LHFPL3: variants seen among roughly 807,000 people sequenced by gnomAD.
LHFPL3 encodes LHFPL tetraspan subfamily member 3 protein.
A neutral mutation model predicts 19.3 loss-of-function variants in LHFPL3; 5 were observed. The ratio of observed to expected loss-of-function variants is 0.26; its 90% confidence interval spans 0.14 to 0.54. The LOEUF is 0.54. Among genes scored for constraint, LHFPL3 ranks in the 20% least tolerant of loss-of-function variants. LHFPL3 has a pLI of 0.94. For missense variants in LHFPL3, 249 were observed against 307.4 expected (o/e 0.81, Z 1.42); for synonymous variants, 133 against 126.2 (o/e 1.05, Z -0.36).
intron 1 of LHFPL3, among the ~76,000 whole-genome samples, chr7:104,633,048 T>C (rs905344179): frequency 6.6e-6 from 1 of 152,106 alleles, no homozygotes; most frequent in Non-Finnish European, 1.5e-5. Context: ...GAAAAAAATT[T>C]AAGTACAAAG....
intron 2 of LHFPL3, among the ~76,000 whole-genome samples, chr7:104,905,413 A>T (rs1340588072): frequency 6.6e-6 from 1 of 152,176 alleles, no homozygotes; most frequent in East Asian, 1.9e-4. Flanking sequence ...GCAGAATATT[A>T]TGCAGCCATT....
At chr7:104,732,138 G>T (rs1409334730) in intron 1 of LHFPL3, among the ~76,000 whole-genome samples, 1 of 152,144 alleles carries the variant, frequency 6.6e-6, no homozygotes, top group Non-Finnish European at 1.5e-5. Flanking sequence ...GTATTTTATT[G>T]AGGATTTTTG....
At chr7:104,413,982 T>C (rs761537509) in intron 1 of LHFPL3, among the ~76,000 whole-genome samples, 2 of 152,168 alleles carry the variant, frequency 1.3e-5, no homozygotes, top group Admixed American at 6.5e-5. Context: ...GAATCTCTTA[T>C]TCATTAGAAA....
intron 1 of LHFPL3, among the ~76,000 whole-genome samples, chr7:104,538,728 G>C (rs1001327811): frequency 1.3e-5 from 2 of 152,142 alleles, no homozygotes; most frequent in African/African-American, 2.4e-5. Context: ...TGGGTATGGT[G>C]GGCAGAATAA....
chr7:104,422,575 T>C (rs1443120280), intron 1 of LHFPL3, among the ~76,000 whole-genome samples: 1 of 152,240 alleles, frequency 6.6e-6, no homozygotes, highest in African/African-American at 2.4e-5. Context: ...TGGTTAAGCA[T>C]GAGTTCTGGA....
At chr7:104,394,518 T>C (rs1245359502) in intron 1 of LHFPL3, among the ~76,000 whole-genome samples, 1 of 152,208 alleles carries the variant, frequency 6.6e-6, no homozygotes, top group African/African-American at 2.4e-5. Flanking sequence ...CATGTTTTAT[T>C]TATTTTAGGG....
intron 1 of LHFPL3, among the ~76,000 whole-genome samples, chr7:104,387,174 T>C (rs549712286): frequency 6.6e-6 from 1 of 152,240 alleles, no homozygotes; most frequent in Non-Finnish European, 1.5e-5. Context: ...AACAAACTTA[T>C]AGATTATTTT....
At chr7:104,785,565 A>T (rs921291454) in intron 2 of LHFPL3, among the ~76,000 whole-genome samples, 15 of 152,202 alleles carry the variant, frequency 9.9e-5, no homozygotes, top group Non-Finnish European at 2.2e-4. Flanking sequence ...AATGGGAATA[A>T]AAAGGCTTCT....
intron 1 of LHFPL3, among the ~76,000 whole-genome samples, chr7:104,344,459 G>C (rs1790025923): frequency 6.6e-6 from 1 of 152,066 alleles, no homozygotes; most frequent in Non-Finnish European, 1.5e-5. Flanking sequence ...ATATCACTCT[G>C]TTTGCCTTTG....
intron 1 of LHFPL3, among the ~76,000 whole-genome samples, chr7:104,430,413 T>TATAC (rs1562895182): frequency 1.1e-4 from 3 of 26,910 alleles, no homozygotes; most frequent in South Asian, 2.5e-3. Flanking sequence ...TACATATATA[T>TATAC]ATATACATAT....
intron 2 of LHFPL3, among the ~76,000 whole-genome samples, chr7:104,755,561 C>T (rs1794266607): frequency 6.7e-6 from 1 of 148,750 alleles, no homozygotes; most frequent in Non-Finnish European, 1.5e-5. Flanking sequence ...CTCTCTTTCT[C>T]TCCCCCAACC....
chr7:104,613,117 G>T (rs1036691562), intron 1 of LHFPL3, among the ~76,000 whole-genome samples: 5 of 152,144 alleles, frequency 3.3e-5, no homozygotes, highest in Admixed American at 1.3e-4. Context: ...TTTTCAAAAG[G>T]ATGTTCATAC....
At chr7:104,385,279 G>A (rs1251477775) in intron 1 of LHFPL3, among the ~76,000 whole-genome samples, 1 of 152,178 alleles carries the variant, frequency 6.6e-6, no homozygotes, top group East Asian at 1.9e-4. Flanking sequence ...AAAAGGATTT[G>A]TCTTCCCATG....
intron 2 of LHFPL3, among the ~76,000 whole-genome samples, chr7:104,875,162 C>A (rs1320470502): frequency 6.6e-6 from 1 of 152,080 alleles, no homozygotes; most frequent in Non-Finnish European, 1.5e-5. Context: ...GTGGTTCTTG[C>A]AGAAAATAAC....
At chr7:104,525,264 T>C (rs1218941212) in intron 1 of LHFPL3, among the ~76,000 whole-genome samples, 1 of 152,220 alleles carries the variant, frequency 6.6e-6, no homozygotes, top group Admixed American at 6.5e-5. Flanking sequence ...TACATGTACT[T>C]ATTCAACTTA....
chr7:104,420,974 A>G (rs566549178), intron 1 of LHFPL3, among the ~76,000 whole-genome samples: 251 of 152,302 alleles, frequency 1.6e-3, no homozygotes, highest in African/African-American at 5.8e-3. Flanking sequence ...CACGTGGGAT[A>G]ATTTGAGCTG....
At chr7:104,825,665 A>G (rs531153135) in intron 2 of LHFPL3, among the ~76,000 whole-genome samples, 3 of 151,974 alleles carry the variant, frequency 2.0e-5, no homozygotes, top group Non-Finnish European at 4.4e-5. Flanking sequence ...GTAGCAGTTC[A>G]GCACTAGAAA....
chr7:104,430,383 C>CATGTATATATATATATATACGTGTATAT (rs1791941390), intron 1 of LHFPL3, among the ~76,000 whole-genome samples: 1 of 39,702 alleles, frequency 2.5e-5, no homozygotes, highest in Non-Finnish European at 4.0e-5. Context: ...TATATATATA[C>CATGTATATATATATATATACGTGTATAT]ATATATATAT....
At chr7:104,876,099 C>T (rs1347428726) in intron 2 of LHFPL3, among the ~76,000 whole-genome samples, 2 of 152,148 alleles carry the variant, frequency 1.3e-5, no homozygotes, top group South Asian at 4.1e-4. Flanking sequence ...GAAACTGGAT[C>T]CCTTCCTTGC....
Sources: gnomAD v4.1 joint callset for allele counts (sites outside exome capture counted in the v4.1 genomes callset) on GRCh38, gnomAD v4.1.1 for gene constraint, MANE v1.5 for transcripts, NCBI Gene and HGNC (gene_info 2026-07-23, HGNC 2026-07-21) for gene names.